HHAT: variants seen among roughly 807,000 people sequenced by gnomAD.
HHAT encodes the protein protein-cysteine N-palmitoyltransferase HHAT.
A neutral mutation model predicts 70.8 loss-of-function variants in HHAT; 47 were observed. The observed-to-expected ratio is 0.66, with a 90% confidence interval of 0.53 to 0.85. The LOEUF (loss-of-function observed/expected upper bound fraction) is 0.85, where lower values mean the gene tolerates loss of function less well. Among genes scored for constraint, HHAT ranks in the 40% least tolerant of loss-of-function variants. HHAT has a pLI of 0.00. For missense variants in HHAT, 609 were observed against 604.8 expected, an observed-to-expected ratio of 1.01 and a Z score of -0.07; for synonymous variants, 228 against 247.6, an observed-to-expected ratio of 0.92 and a Z score of 0.74.
intron 10 of HHAT, 67 bp from the exon 11 acceptor site, chr1:210,623,459 G>GGAT (rs1669253752): frequency 6.3e-7 from 1 of 1,581,762 alleles, no homozygotes; most frequent in African/African-American, 1.3e-5. Context: ...AGAGAAAGCT[G>GGAT]GATGGTATCT....
chr1:210,643,778 G>T (rs1456857003), intron 11 of HHAT, among the ~76,000 whole-genome samples: 2 of 151,932 alleles, frequency 1.3e-5, no homozygotes, highest in African/African-American at 4.8e-5. Flanking sequence ...TTAATAGACA[G>T]AATTTAAATA....
chr1:210,468,862 C>CT (rs905807873), intron 8 of HHAT, among the ~76,000 whole-genome samples: 32 of 151,076 alleles, frequency 2.1e-4, no homozygotes, highest in South Asian at 6.3e-4. Flanking sequence ...TAAAATACTG[C>CT]TTTTTTTTTG....
intron 11 of HHAT, among the ~76,000 whole-genome samples, chr1:210,629,423 G>A (rs1405014701): frequency 1.3e-5 from 2 of 152,238 alleles, no homozygotes; most frequent in Non-Finnish European, 2.9e-5. Context: ...CTAGGTTATG[G>A]AAACTTTTTC....
chr1:210,394,840 A>G (rs2091690564), intron 4 of HHAT, among the ~76,000 whole-genome samples: 1 of 152,144 alleles, frequency 6.6e-6, no homozygotes, highest in African/African-American at 2.4e-5. Flanking sequence ...TTTTCCTGGA[A>G]TCAGCCCCTT....
chr1:210,580,808 T>C (rs1004270874), intron 9 of HHAT, among the ~76,000 whole-genome samples: 4 of 152,162 alleles, frequency 2.6e-5, no homozygotes, highest in Non-Finnish European at 4.4e-5. Flanking sequence ...GTCTTTATAG[T>C]AGAATGATTT....
chr1:210,569,397 A>AAAAAAAAAAAAAAAAAAAAC, intron 9 of HHAT, among the ~76,000 whole-genome samples: 2 of 148,396 alleles, frequency 1.3e-5, no homozygotes, highest in Non-Finnish European at 3.0e-5. Flanking sequence ...AAAAAAAAAA[A>AAAAAAAAAAAAAAAAAAAAC]AAGCGTATAG....
chr1:210,509,383 A>G (rs1417307128), intron 8 of HHAT, among the ~76,000 whole-genome samples: 1 of 152,158 alleles, frequency 6.6e-6, no homozygotes, highest in East Asian at 1.9e-4. Context: ...GCCCTCTAAT[A>G]ACAAAACTCA....
At chr1:210,472,727 T>C (rs2094226518) in intron 8 of HHAT, among the ~76,000 whole-genome samples, 1 of 152,180 alleles carries the variant, frequency 6.6e-6, no homozygotes, top group South Asian at 2.1e-4. Context: ...CTGTGTTCAT[T>C]AGGTTATAGC....
chr1:210,424,319 A>C (rs2092993527), intron 7 of HHAT, among the ~76,000 whole-genome samples: 1 of 151,992 alleles, frequency 6.6e-6, no homozygotes, highest in Non-Finnish European at 1.5e-5. Context: ...TGATTTCTTT[A>C]GTTCACTGTT....
intron 7 of HHAT, among the ~76,000 whole-genome samples, chr1:210,454,755 A>G (rs957880142): frequency 1.3e-5 from 2 of 152,338 alleles, no homozygotes; most frequent in East Asian, 3.9e-4. Flanking sequence ...TGTGTCCTCC[A>G]GCAACACATC....
intron 3 of HHAT, among the ~76,000 whole-genome samples, chr1:210,370,750 G>A (rs1006644778): frequency 6.6e-6 from 1 of 151,636 alleles, no homozygotes; most frequent in African/African-American, 2.4e-5. Flanking sequence ...GAGTAGCTGG[G>A]ACTACAGGCA....
chr1:210,578,420 T>C (rs759265204), intron 9 of HHAT, among the ~76,000 whole-genome samples: 2 of 152,230 alleles, frequency 1.3e-5, no homozygotes, highest in South Asian at 4.2e-4. Flanking sequence ...AGTATGGAGA[T>C]TCCTTAAAAA....
rs114245122 is a variant in HHAT at position 210,557,618 on chromosome 1, A to C, written c.1044-30280A>C. Among the ~76,000 whole-genome samples the C allele has an allele frequency of 6.7e-3, 1,027 of 152,270 alleles. 10 individuals carry two copies. The highest frequency in any genetic ancestry group is 0.023 in the African/African-American group (972 of 41,548). ...AGAATCATGGCGGGTGGTGAAAGGC[A>C]CTTCTTACATGACGGCAGCAAGAGA... is the stretch of plus-strand genomic sequence containing the variant. On this transcript the variant is annotated intron_variant, in intron 9 of 11. Coordinates refer to ENST00000261458, the MANE Select transcript of HHAT (RefSeq NM_018194.6).
At chr1:210,466,913 C>G (rs910931181) in intron 8 of HHAT, among the ~76,000 whole-genome samples, 1 of 152,206 alleles carries the variant, frequency 6.6e-6, no homozygotes, top group Non-Finnish European at 1.5e-5. Flanking sequence ...AGTCTCTCCT[C>G]TCCCTCATTT....
chr1:210,432,149 T>C (rs2093264298), intron 7 of HHAT, among the ~76,000 whole-genome samples: 1 of 151,698 alleles, frequency 6.6e-6, no homozygotes, highest in Non-Finnish European at 1.5e-5. Context: ...CGACTGGAGC[T>C]CAGGAGTGAG....
intron 11 of HHAT, among the ~76,000 whole-genome samples, chr1:210,637,070 C>T (rs907429540): frequency 3.9e-5 from 6 of 152,174 alleles, no homozygotes; most frequent in African/African-American, 7.2e-5. Context: ...AGATTAAATA[C>T]GATAATAAAT....
At chr1:210,639,261 C>T (rs1295599264) in intron 11 of HHAT, among the ~76,000 whole-genome samples, 1 of 152,042 alleles carries the variant, frequency 6.6e-6, no homozygotes, top group Non-Finnish European at 1.5e-5. Context: ...CTCACTCTGT[C>T]AATCCAAAAC....
chr1:210,415,630 A>G lies in HHAT; in HGVS notation c.685-2524A>G, dbSNP rs560640361. ...TCCTGAAGTGACCTGAGGGAAACAA[A>G]AGGCAAAAGGGAAATTCCTGTTGTA... On this transcript the variant is annotated intron_variant, in intron 6 of 11. Transcript: ENST00000261458. Among the ~76,000 whole-genome samples, 12 of 152,158 alleles carry G rather than the reference A, an allele frequency of 7.9e-5. No homozygotes were observed. In the South Asian group the frequency reaches 1.9e-3, roughly 24 times the overall value.
intron 11 of HHAT, among the ~76,000 whole-genome samples, chr1:210,656,082 T>A (rs1043670845): frequency 6.6e-6 from 1 of 152,224 alleles, no homozygotes; most frequent in Non-Finnish European, 1.5e-5. Flanking sequence ...TGTTATATGT[T>A]CCTTTTGACA....
Sources: allele counts gnomAD v4.1 joint callset (sites outside exome capture counted in the v4.1 genomes callset), GRCh38; gene constraint gnomAD v4.1.1; transcripts MANE v1.5; gene names NCBI Gene and HGNC (gene_info 2026-07-23, HGNC 2026-07-21).